DCDC1: variants seen among roughly 807,000 people sequenced by gnomAD.
DCDC1 encodes the protein doublecortin domain containing 1, also known as doublecortin domain-containing protein 1.
Under a neutral mutation model 178.3 loss-of-function variants are expected in DCDC1, and 200 were observed. The ratio of observed to expected loss-of-function variants is 1.12; its 90% CI spans 1.00 to 1.26. The LOEUF (loss-of-function observed/expected upper bound fraction) is 1.26, where lower values mean the gene tolerates loss of function less well. DCDC1 is among the 50% of genes most tolerant of loss of function. The pLI is 0.00. For synonymous variants in DCDC1, 690 were observed against 604.8 expected (o/e 1.14, Z -2.07); for missense variants, 1,983 against 1,749.2 (o/e 1.13, Z -2.38).
chr11:30,906,110 G>A (rs1400966640), intron 30 of DCDC1, among the ~76,000 whole-genome samples: 6 of 152,004 alleles, frequency 3.9e-5, no homozygotes, highest in East Asian at 1.9e-4. Context: ...AGACATAGAC[G>A]TGTGAATTCA....
chr11:31,078,061 A>G, intron 17 of DCDC1, 136 bp from the exon 18 acceptor site: 2 of 641,748 alleles, frequency 3.1e-6, no homozygotes, highest in Admixed American at 4.9e-5. Context: ...TGCCACCATC[A>G]CTTTTATCTC....
At chr11:30,963,488 C>A (rs534995397) in intron 20 of DCDC1, among the ~76,000 whole-genome samples, 1 of 152,180 alleles carries the variant, frequency 6.6e-6, no homozygotes, top group South Asian at 2.1e-4. Context: ...TTAGGTGTAG[C>A]CATGTATCAA....
At chr11:31,208,840 T>C (rs1169614317) in intron 9 of DCDC1, among the ~76,000 whole-genome samples, 2 of 152,214 alleles carry the variant, frequency 1.3e-5, no homozygotes, top group African/African-American at 4.8e-5. Context: ...TATCACCTCC[T>C]CAGAGACTGC....
chr11:31,114,158 C>A (rs1253612413), intron 11 of DCDC1, among the ~76,000 whole-genome samples: 1 of 152,090 alleles, frequency 6.6e-6, no homozygotes, highest in East Asian at 1.9e-4. Flanking sequence ...TCCACTACAC[C>A]CAACTCAATG....
At chr11:31,162,588 T>C (rs535884061) in intron 9 of DCDC1, among the ~76,000 whole-genome samples, 1 of 152,290 alleles carries the variant, frequency 6.6e-6, no homozygotes, top group African/African-American at 2.4e-5. Flanking sequence ...ATTTAAAATA[T>C]CTTCCTGGCT....
intron 9 of DCDC1, among the ~76,000 whole-genome samples, chr11:31,164,652 A>T (rs1966618249): frequency 6.6e-6 from 1 of 152,220 alleles, no homozygotes; most frequent in African/African-American, 2.4e-5. Context: ...GCTGTAAGCT[A>T]AATCTTACTA....
At chr11:31,331,577 T>A (rs1949990909) in intron 2 of DCDC1, among the ~76,000 whole-genome samples, 1 of 152,052 alleles carries the variant, frequency 6.6e-6, no homozygotes, top group Non-Finnish European at 1.5e-5. Context: ...GTTTATTGAG[T>A]TTTTAGCACA....
chr11:31,014,048 T>C (rs1397855704), intron 20 of DCDC1, among the ~76,000 whole-genome samples: 4 of 152,150 alleles, frequency 2.6e-5, no homozygotes, highest in Non-Finnish European at 5.9e-5. Flanking sequence ...AATTCCTATG[T>C]CAAAACCCTA....
In DCDC1 at chr11:31,275,357, C is replaced by T. The variant is rs80053210; in HGVS notation, c.961-9757G>A. Among the ~76,000 whole-genome samples the T allele has an allele frequency of 2.2e-3, 342 of 152,302 alleles. 1 individual carries two copies. The highest frequency in any genetic ancestry group is 8.0e-3 in the African/African-American group (332 of 41,566). Reference sequence around the variant, plus strand: ...GAAATAAAATAAGAAAACCTCTTCACATGTGTAGTAACACTGTTGGCTGCC... The same window carrying T: ...GAAATAAAATAAGAAAACCTCTTCATATGTGTAGTAACACTGTTGGCTGCC... On this transcript the variant is annotated intron_variant, in intron 7 of 38. Transcript: ENST00000684477.
chr11:31,062,724 C>T (rs1427244200), intron 20 of DCDC1, among the ~76,000 whole-genome samples: 1 of 151,892 alleles, frequency 6.6e-6, no homozygotes, highest in East Asian at 1.9e-4. Flanking sequence ...CGTTCCCTTC[C>T]TGTAAAAATT....
At chr11:31,202,237 T>A (rs1275200776) in intron 9 of DCDC1, among the ~76,000 whole-genome samples, 2 of 152,186 alleles carry the variant, frequency 1.3e-5, no homozygotes, top group Non-Finnish European at 2.9e-5. Flanking sequence ...AGCCATTCTC[T>A]TTTAATTTTT....
At chr11:30,980,798 C>T (rs1239896590) in intron 20 of DCDC1, among the ~76,000 whole-genome samples, 1 of 152,150 alleles carries the variant, frequency 6.6e-6, no homozygotes, top group South Asian at 2.1e-4. Context: ...TGGATAGGGG[C>T]CTCTCCTAGA....
intron 2 of DCDC1, among the ~76,000 whole-genome samples, chr11:31,333,976 C>T (rs1181515937): frequency 6.6e-6 from 1 of 152,174 alleles, no homozygotes; most frequent in East Asian, 1.9e-4. Context: ...AGAGTGTTTT[C>T]AAACTTGGTT....
chr11:31,342,853 T>C (rs1052617505), intron 1 of DCDC1, among the ~76,000 whole-genome samples: 2 of 152,204 alleles, frequency 1.3e-5, no homozygotes, highest in African/African-American at 4.8e-5. Flanking sequence ...AAAAATAACC[T>C]GAAGAAAACA....
chr11:30,986,904 A>T (rs191480752), intron 20 of DCDC1, among the ~76,000 whole-genome samples: 2 of 152,206 alleles, frequency 1.3e-5, no homozygotes, highest in Non-Finnish European at 2.9e-5. Context: ...ATCAAAGAGA[A>T]TGGTATTCTT....
chr11:30,876,611 C>A (rs182336787), intron 38 of DCDC1, among the ~76,000 whole-genome samples: 2 of 152,274 alleles, frequency 1.3e-5, no homozygotes, highest in Admixed American at 1.3e-4. Flanking sequence ...ATGCTTGATA[C>A]AGCGTTGTGT....
At chr11:30,922,476 A>C in intron 24 of DCDC1, 27 bp downstream of exon 24, 1 of 1,486,606 alleles carries the variant, frequency 6.7e-7, no homozygotes, top group South Asian at 1.4e-5. Flanking sequence ...GGCTGAATAT[A>C]TTAAGGTAAA....
intron 1 of DCDC1, among the ~76,000 whole-genome samples, chr11:31,368,463 C>G (rs1173226443): frequency 6.6e-6 from 1 of 152,098 alleles, no homozygotes; most frequent in Non-Finnish European, 1.5e-5. Flanking sequence ...AATTCCATTG[C>G]TTTAGGTATT....
At chr11:31,316,058 T>C (rs1367401274) in intron 3 of DCDC1, among the ~76,000 whole-genome samples, 3 of 97,026 alleles carry the variant, frequency 3.1e-5, no homozygotes, top group East Asian at 4.4e-4. Context: ...CTATCATTGT[T>C]GGACATTTCG....
Sources: gnomAD v4.1 joint callset for allele counts (sites outside exome capture counted in the v4.1 genomes callset) on GRCh38, gnomAD v4.1.1 for gene constraint, MANE v1.5 for transcripts, NCBI Gene and HGNC (gene_info 2026-07-23, HGNC 2026-07-21) for gene names.